ACP6: variants seen among roughly 807,000 people sequenced by gnomAD.
ACP6 encodes the protein lysophosphatidic acid phosphatase type 6.
Under a neutral mutation model 48.1 loss-of-function variants are expected in ACP6, and 48 were observed. That is an observed-to-expected ratio of 1.00 (90% CI 0.79 to 1.27). The LOEUF is 1.27. Ranked by LOEUF, ACP6 falls within the 50% of genes most tolerant of loss-of-function variation. The pLI, the probability that ACP6 is intolerant of heterozygous loss-of-function variation, is 0.00. For missense variants in ACP6, 485 were observed against 529.1 expected, an observed-to-expected ratio of 0.92 and a Z score of 0.82; for synonymous variants, 172 against 204.2, an observed-to-expected ratio of 0.84 and a Z score of 1.34.
chr1:147,654,208 C>T lies in ACP6; in HGVS notation c.766G>A (p.Val256Met), dbSNP rs782552755. ...CCAGGACTCACCTGCTCGGCAGCCA[C>T]GTTGTCCAGGAGGATGAAGAAGTCC... ...KVDFFILLDN[V>M]AAEQAHNLPS... Residue 256 changes from valine to methionine, a missense_variant, in exon 6 of 10, where the codon GTG becomes ATG. Physicochemically the swap from Val to Met is conservative, Grantham distance 21. Transcript: ENST00000583509. 26 of 1,614,006 alleles carry T rather than the reference C, an allele frequency of 1.6e-5. No individual in the cohort carries two copies. The highest frequency in any genetic ancestry group is 1.6e-4 in the Middle Eastern group (1 of 6,084).
At chr1:147,631,132 C>A (rs1476629835) in intron 5 of ACP6, 1 of 152,162 alleles carries the variant, frequency 6.6e-6, no homozygotes, top group Non-Finnish European at 1.5e-5. Context: ...AGGATCACTT[C>A]CATACAAAGG....
chr1:147,631,015 G>GA (rs1553207292), exon 6 of ACP6: 1 of 152,138 alleles, frequency 6.6e-6, no homozygotes, highest in African/African-American at 2.4e-5. Flanking sequence ...AATGAGGCTG[G>GA]AAAAGCCCTA....
At chr1:147,641,175 C>T (rs868989981), downstream of ACP6, among the ~76,000 whole-genome samples, 3 of 150,772 alleles carry the variant, frequency 2.0e-5, no homozygotes, top group African/African-American at 7.5e-5. Flanking sequence ...AAAAGGGGTG[C>T]CAGGTGCCAC....
chr1:147,658,435 T>G (rs1212290456), intron 4 of ACP6, among the ~76,000 whole-genome samples: 1 of 152,116 alleles, frequency 6.6e-6, no homozygotes, highest in African/African-American at 2.4e-5. Flanking sequence ...GGAAAATAAT[T>G]AATGCAGTCC....
chr1:147,637,606 C>T (rs1326432860), downstream of ACP6, among the ~76,000 whole-genome samples: 1 of 152,152 alleles, frequency 6.6e-6, no homozygotes, highest in African/African-American at 2.4e-5. Context: ...TTCCTTCATT[C>T]CAGTACCAGG....
At chr1:147,664,841 A>G (rs1553213366) in intron 1 of ACP6, among the ~76,000 whole-genome samples, 1 of 152,240 alleles carries the variant, frequency 6.6e-6, no homozygotes, top group Non-Finnish European at 1.5e-5. Context: ...TTCAAAGGCA[A>G]GACAGACCTT....
downstream of ACP6, among the ~76,000 whole-genome samples, chr1:147,641,869 G>A (rs953882449): frequency 9.3e-4 from 141 of 152,290 alleles, no homozygotes; most frequent in African/African-American, 3.1e-3. Context: ...AGGCGGAGGC[G>A]GGGCGCTGCC....
chr1:147,653,817 ATTT>A (rs1247912529), intron 6 of ACP6, among the ~76,000 whole-genome samples: 14 of 152,150 alleles, frequency 9.2e-5, no homozygotes, highest in African/African-American at 3.4e-4. Flanking sequence ...GGCATCTCAG[ATTT>A]TTTTAATATG....
chr1:147,659,355 G>C (rs782693524), intron 3 of ACP6, 41 bp downstream of exon 3: 14 of 1,604,128 alleles, frequency 8.7e-6, no homozygotes. Context: ...TCATGTTCAA[G>C]ACCTTAAATT....
intron 4 of ACP6, among the ~76,000 whole-genome samples, chr1:147,658,748 G>A (rs587684900): frequency 6.6e-6 from 1 of 152,180 alleles, no homozygotes. Flanking sequence ...GATCAGAGCA[G>A]CTGCTACACT....
chr1:147,636,437 G>C (rs1304699774), intron 5 of ACP6, among the ~76,000 whole-genome samples: 2 of 152,108 alleles, frequency 1.3e-5, no homozygotes, highest in Admixed American at 6.5e-5. Flanking sequence ...GGGAAAGAAA[G>C]ATACCAGAAG....
chr1:147,648,391 G>A lies in ACP6; in HGVS notation c.998C>T (p.Ala333Val). The change falls in exon 9 of 10, where the codon GCT becomes GTT. Residue 333 changes from alanine to valine, a missense_variant. Physicochemically the swap from Ala to Val is moderately conservative, Grantham distance 64. Coordinates refer to ENST00000583509, the MANE Select transcript of ACP6 (RefSeq NM_016361.5). ...DKIRKLYLYA[A>V]HDVTFIPLLM... is the part of the protein sequence containing the mutation. ...GAGCGGTATGAAGGTCACATCATGA[G>A]CCGCATAGAGATACAGCTTTCTGCA... is the stretch of plus-strand genomic sequence containing the variant. 6.2e-7 allele frequency: 1 copy of A among 1,614,180 alleles called. No individual in the cohort carries two copies. The highest frequency in any genetic ancestry group is 1.1e-5 in the South Asian group (1 of 91,092).
At chr1:147,667,623 A>G (rs1660864631) in intron 1 of ACP6, among the ~76,000 whole-genome samples, 1 of 152,182 alleles carries the variant, frequency 6.6e-6, no homozygotes. Context: ...ATCAGGAAAC[A>G]TGTACCAAAG....
chr1:147,647,198 C>T lies in ACP6; in HGVS notation c.*225G>A. 1 of 525,612 alleles carries T rather than the reference C, an allele frequency of 1.9e-6. No homozygotes were observed. Among genetic ancestry groups the T allele is most frequent in the Non-Finnish European group, 3.3e-6 (1 of 301,252 alleles). 32.6% of individuals were successfully genotyped at this position (525,612 alleles called of 1,614,324 possible). Reference sequence around the variant, plus strand: ...CGTGTCACACAAAGATGCTTCTAACCTTAGAAACCAACTCACAAAATAGAG... The same window carrying T: ...CGTGTCACACAAAGATGCTTCTAACTTTAGAAACCAACTCACAAAATAGAG... On this transcript the variant is annotated 3_prime_UTR_variant, in exon 10 of 10. Coordinates refer to ENST00000583509, the MANE Select transcript of ACP6 (RefSeq NM_016361.5).
chr1:147,652,286 C>T (rs1659963816), intron 7 of ACP6, 163 bp downstream of exon 7: 11 of 632,500 alleles, frequency 1.7e-5, no homozygotes, highest in Admixed American at 3.3e-5. Flanking sequence ...TGTAGAAGTG[C>T]GAGGACCTAG....
intron 1 of ACP6, among the ~76,000 whole-genome samples, chr1:147,663,689 C>T (rs587605000): frequency 1.3e-5 from 2 of 152,206 alleles, no homozygotes; most frequent in South Asian, 4.2e-4. Context: ...TTGTCCAGCC[C>T]CTGTACTCAG....
At chr1:147,659,179 C>T in intron 3 of ACP6, 140 bp from the exon 4 acceptor site, 2 of 1,074,360 alleles carry the variant, frequency 1.9e-6, no homozygotes, top group South Asian at 1.7e-5. Flanking sequence ...CTTCACTTTT[C>T]TGTGGGATGT....
Position 147,659,717 on chromosome 1 carries a change from A to G in ACP6, c.278T>C (p.Val93Ala). 6.2e-7 allele frequency: 1 copy of G among 1,614,206 alleles called. No individual in the cohort carries two copies. Among genetic ancestry groups the G allele is most frequent in the South Asian group, 1.1e-5 (1 of 91,088 alleles). The change falls in exon 2 of 10, where the codon GTC becomes GCC. Residue 93 changes from valine (V) to alanine (A), a missense_variant. By Grantham distance (64) the Val-to-Ala change is moderately conservative. Transcript: ENST00000583509. ...VPPQTQFDYT[V>A]TNLAGGPKPY... The stretch of plus-strand genomic sequence containing the variant: ...TTTCGGACCACCAGCTAGATTGGTG[A>G]CTGTGTAATCAAACTGAGTTTGGGG...
chr1:147,664,110 A>G (rs1442547328), intron 1 of ACP6, among the ~76,000 whole-genome samples: 3 of 152,088 alleles, frequency 2.0e-5, no homozygotes, highest in African/African-American at 7.3e-5. Flanking sequence ...TGTCAGTCCC[A>G]CTGGCACCTG....
Sources: allele counts gnomAD v4.1 joint callset (sites outside exome capture counted in the v4.1 genomes callset), GRCh38; gene constraint gnomAD v4.1.1; transcripts MANE v1.5; gene names NCBI Gene and HGNC (gene_info 2026-07-23, HGNC 2026-07-21).